SULF2: variants seen among roughly 807,000 people sequenced by gnomAD.
The protein encoded by SULF2 is extracellular sulfatase Sulf-2.
Under a neutral mutation model 107.7 loss-of-function variants are expected in SULF2, and 52 were observed. The observed-to-expected ratio is 0.48, with a 90% CI of 0.39 to 0.61. The LOEUF is 0.61. Among genes scored for constraint, SULF2 ranks in the 20% least tolerant of loss-of-function variants. The probability of loss-of-function intolerance (pLI) is 0.00; values close to 1 mark genes in which losing one functional copy is unlikely to be tolerated. For missense variants in SULF2, 993 were observed against 1,177.3 expected (o/e 0.84, Z 2.29); for synonymous variants, 460 against 464.3 (o/e 0.99, Z 0.12).
chr20:47,707,990 A>T (rs1244029101), intron 3 of SULF2, among the ~76,000 whole-genome samples: 1 of 152,162 alleles, frequency 6.6e-6, no homozygotes, highest in Non-Finnish European at 1.5e-5. Context: ...GTGGCACTCG[A>T]AATTGCTGAA....
At chr20:47,677,421 T>C (rs59891910) in intron 8 of SULF2, among the ~76,000 whole-genome samples, 8 of 144,392 alleles carry the variant, frequency 5.5e-5, no homozygotes, top group African/African-American at 2.1e-4. Flanking sequence ...TGTGTGTGTG[T>C]GTGTGTGTGC....
chr20:47,763,205 T>G (rs2090452740), intron 1 of SULF2, among the ~76,000 whole-genome samples: 1 of 152,162 alleles, frequency 6.6e-6, no homozygotes, highest in African/African-American at 2.4e-5. Context: ...CCATCCTGAG[T>G]CTTCTCCAGG....
At chr20:47,727,291 G>A (rs770013022) in intron 3 of SULF2, among the ~76,000 whole-genome samples, 17 of 152,156 alleles carry the variant, frequency 1.1e-4, no homozygotes, top group Admixed American at 6.5e-4. Flanking sequence ...GCCACGGGAA[G>A]AGAGGGACCC....
intron 7 of SULF2, among the ~76,000 whole-genome samples, chr20:47,679,489 C>T (rs918838530): frequency 2.0e-5 from 3 of 152,218 alleles, no homozygotes; most frequent in African/African-American, 7.2e-5. Context: ...CAACTACTAT[C>T]CTGCTAGCAG....
intron 1 of SULF2, among the ~76,000 whole-genome samples, chr20:47,764,267 A>T (rs1600674656): frequency 6.6e-6 from 1 of 152,386 alleles, no homozygotes; most frequent in East Asian, 1.9e-4. Flanking sequence ...GCAGAATATC[A>T]GCCCCCTGAA....
In SULF2 at chr20:47,678,459, A is replaced by G. The variant is rs1189550978; in HGVS notation, c.1193+217T>C. The stretch of plus-strand genomic sequence containing the variant: ...AATTTTAGCTCAGAGAAGGTCCCCA[A>G]CTGGTCACCTTGGCCACATTCCAGA... On this transcript the variant is annotated intron_variant, in intron 8 of 20. Transcript: ENST00000688720. The surrounding 1 kb of genome is among the most constrained non-coding windows in gnomAD (Gnocchi z 4.5). 2 of 617,544 alleles carry G rather than the reference A, an allele frequency of 3.2e-6. No homozygotes were observed. The highest frequency in any genetic ancestry group is 2.6e-5 in the Admixed American group (1 of 38,544). 38.3% of individuals were successfully genotyped at this position (617,544 alleles called of 1,614,324 possible).
intron 3 of SULF2, among the ~76,000 whole-genome samples, chr20:47,731,346 C>T (rs2089607223): frequency 6.6e-6 from 1 of 151,848 alleles, no homozygotes; most frequent in African/African-American, 2.4e-5. Flanking sequence ...GTGTACATCA[C>T]CATGCCTGGC....
chr20:47,718,380 G>A (rs1285157018), intron 3 of SULF2, among the ~76,000 whole-genome samples: 1 of 152,130 alleles, frequency 6.6e-6, no homozygotes, highest in African/African-American at 2.4e-5. Context: ...CATTCAATCA[G>A]TAAACATTAA....
In SULF2 at chr20:47,704,510, C is replaced by T. The variant is rs138430082; in HGVS notation, c.416-1840G>A. Among the ~76,000 whole-genome samples the T allele has an allele frequency of 3.1e-3, 475 of 152,210 alleles. 1 individual carries two copies. Among genetic ancestry groups the T allele is most frequent in the African/African-American group, 0.011 (446 of 41,530 alleles). ...CTGTTCTTGAACTCCTGAGCTCAAG[C>T]GATCTGCCTGCCTCAGCCTCCCAAG... is the stretch of plus-strand genomic sequence containing the variant. On this transcript the variant is annotated intron_variant, in intron 3 of 20. Transcript: ENST00000688720.
intron 1 of SULF2, among the ~76,000 whole-genome samples, chr20:47,782,424 C>G (rs1276754999): frequency 6.6e-6 from 1 of 152,094 alleles, no homozygotes; most frequent in Non-Finnish European, 1.5e-5. Context: ...AGATCTCCAC[C>G]AAGGCCCATT....
In SULF2 at chr20:47,680,618, C is replaced by A. The variant is rs757437028; in HGVS notation, c.1065-1814G>T. On this transcript the variant is annotated intron_variant, in intron 7 of 20. Coordinates refer to ENST00000688720, the MANE Select transcript of SULF2 (RefSeq NM_001387048.1). This position sits in a 1 kb window ranked among gnomAD's most constrained non-coding sequence, Gnocchi z 4.2. Reference sequence around the variant, plus strand: ...CCCCAGTCCAGTGCCCTGTGAACGTCGGGCAGGCTGCCAAGCATGTGTGCA... The same window carrying A: ...CCCCAGTCCAGTGCCCTGTGAACGTAGGGCAGGCTGCCAAGCATGTGTGCA... Among the ~76,000 whole-genome samples the A allele has an allele frequency of 1.3e-5, 2 of 152,198 alleles. No individual in the cohort carries two copies. Among genetic ancestry groups the A allele is most frequent in the African/African-American group, 4.8e-5 (2 of 41,442 alleles).
At chr20:47,676,713 C>T in intron 9 of SULF2, 90 bp from the exon 10 acceptor site, 2 of 1,487,906 alleles carry the variant, frequency 1.3e-6, no homozygotes, top group Non-Finnish European at 1.8e-6. Flanking sequence ...GGGGTGCCCC[C>T]TCGGCTCCGG....
chr20:47,764,752 A>C (rs1453919948), intron 1 of SULF2, among the ~76,000 whole-genome samples: 1 of 152,222 alleles, frequency 6.6e-6, no homozygotes, highest in Non-Finnish European at 1.5e-5. Context: ...TTTGCTGCTT[A>C]AGAGAGTCCG....
chr20:47,689,491 C>T (rs906540306), intron 5 of SULF2: 1 of 152,242 alleles, frequency 6.6e-6, no homozygotes. Flanking sequence ...CCAGTCAAGC[C>T]TCAGGTGACT....
At chr20:47,703,069 G>A (rs1021715027) in intron 3 of SULF2, among the ~76,000 whole-genome samples, 8 of 152,144 alleles carry the variant, frequency 5.3e-5, no homozygotes, top group South Asian at 2.1e-4. Flanking sequence ...GATTACAGGC[G>A]TCTGCCACCA....
chr20:47,665,195 T>A lies in SULF2; in HGVS notation c.1997+4A>T. 6.2e-7 allele frequency: 1 copy of A among 1,608,278 alleles called. No individual in the cohort carries two copies. Among genetic ancestry groups the A allele is most frequent in the Non-Finnish European group, 8.5e-7 (1 of 1,174,644 alleles). On this transcript the variant is annotated splice_donor_region_variant and intron_variant, in intron 14 of 20. Transcript: ENST00000688720. ...TTAGGGAGGTCCCTTTGCTACTGCC[T>A]CACCTGATTTTGTGACAGTCACATT...
chr20:47,768,753 C>T (rs139365546), intron 1 of SULF2, among the ~76,000 whole-genome samples: 237 of 152,352 alleles, frequency 1.6e-3, no homozygotes, highest in Non-Finnish European at 1.9e-3. Context: ...TTCCCTGGCC[C>T]TCTGTCCCTG....
intron 1 of SULF2, among the ~76,000 whole-genome samples, chr20:47,776,813 AAGTG>A (rs984687993): frequency 1.3e-5 from 2 of 152,194 alleles, no homozygotes; most frequent in African/African-American, 4.8e-5. Flanking sequence ...ACTGGGGAGC[AAGTG>A]AGTGTGTATG....
intron 7 of SULF2, among the ~76,000 whole-genome samples, chr20:47,682,051 G>A (rs2087839689): frequency 6.6e-6 from 1 of 152,060 alleles, no homozygotes; most frequent in Non-Finnish European, 1.5e-5. Flanking sequence ...CGTGTGGACT[G>A]TCGTTATTAC....
Sources: allele counts gnomAD v4.1 joint callset (sites outside exome capture counted in the v4.1 genomes callset), GRCh38; gene constraint gnomAD v4.1.1; non-coding constraint Gnocchi (gnomAD v3.1); transcripts MANE v1.5; gene names NCBI Gene and HGNC (gene_info 2026-07-23, HGNC 2026-07-21).